Variants in PDHX observed in about 807,000 individuals in gnomAD.
PDHX encodes pyruvate dehydrogenase complex component X, also known as pyruvate dehydrogenase protein X component, mitochondrial.
Under a neutral mutation model 55.3 loss-of-function variants are expected in PDHX, and 33 were observed. The ratio of observed to expected loss-of-function variants is 0.60; its 90% CI spans 0.45 to 0.80. PDHX has a LOEUF of 0.80. Among genes scored for constraint, PDHX ranks in the 30% least tolerant of loss-of-function variants. The probability of loss-of-function intolerance (pLI) is 0.00; values close to 1 mark genes in which losing one functional copy is unlikely to be tolerated. For synonymous variants in PDHX, 226 were observed against 219.4 expected, an observed-to-expected ratio of 1.03 and a Z score of -0.27; for missense variants, 622 against 619.9, an observed-to-expected ratio of 1.00 and a Z score of -0.04.
intron 9 of PDHX, among the ~76,000 whole-genome samples, chr11:34,990,572 TA>T (rs1251385840): frequency 1.3e-5 from 2 of 152,198 alleles, no homozygotes; most frequent in African/African-American, 4.8e-5. Flanking sequence ...CATCTGCCTT[TA>T]AAAAATGCCT....
intron 4 of PDHX, among the ~76,000 whole-genome samples, chr11:34,958,245 T>C (rs1854947270): frequency 6.6e-6 from 1 of 152,168 alleles, no homozygotes; most frequent in African/African-American, 2.4e-5. Flanking sequence ...TTCTTAAACA[T>C]TTTTTCCTTT....
At chr11:34,916,381 G>A, upstream of PDHX, 2 of 1,556,508 alleles carry the variant, frequency 1.3e-6, no homozygotes, top group African/African-American at 1.4e-5. Context: ...AATGCAATCA[G>A]GCGGCGCTGA....
chr11:34,945,250 G>A (rs1410147761), intron 2 of PDHX, among the ~76,000 whole-genome samples: 1 of 151,792 alleles, frequency 6.6e-6, no homozygotes, highest in African/African-American at 2.4e-5. Flanking sequence ...TTATTTTTTA[G>A]AGTTTGAGTT....
intron 10 of PDHX, among the ~76,000 whole-genome samples, chr11:34,994,639 A>G (rs1273475356): frequency 6.6e-6 from 1 of 152,214 alleles, no homozygotes; most frequent in Non-Finnish European, 1.5e-5. Context: ...GTTATGTGGG[A>G]CATGACTCGA....
chr11:34,963,203 TTGAAAAATTGCAGG>T (rs1367374162), intron 5 of PDHX, among the ~76,000 whole-genome samples: 5 of 152,200 alleles, frequency 3.3e-5, no homozygotes, highest in Non-Finnish European at 7.3e-5. Context: ...TCTGCTATGG[TTGAAAAATTGCAGG>T]CTTTGGCATA....
At chr11:34,957,689 G>C in intron 4 of PDHX, 106 bp downstream of exon 4, 1 of 918,336 alleles carries the variant, frequency 1.1e-6, no homozygotes, top group Non-Finnish European at 1.7e-6. Context: ...CATCACGTAG[G>C]AAGTTGCTGT....
At chr11:34,934,044 T>C (rs1298100446) in intron 2 of PDHX, among the ~76,000 whole-genome samples, 1 of 152,192 alleles carries the variant, frequency 6.6e-6, no homozygotes, top group East Asian at 1.9e-4. Context: ...ATATGAACCG[T>C]AGCTCTGAGT....
At chr11:34,936,395 T>A (rs1854311277) in intron 2 of PDHX, among the ~76,000 whole-genome samples, 1 of 152,132 alleles carries the variant, frequency 6.6e-6, no homozygotes, top group Admixed American at 6.5e-5. Context: ...ACTGCAGTGC[T>A]GTAAGTGGTC....
intron 2 of PDHX, among the ~76,000 whole-genome samples, chr11:34,931,812 TTGTGTGTGTGTGTGTG>T (rs35425265): frequency 4.1e-5 from 6 of 146,180 alleles, no homozygotes; most frequent in African/African-American, 1.5e-4. Flanking sequence ...TTTATCATGA[TTGTGTGTGTGTGTGTG>T]TGTGTGTGTG....
chr11:34,950,523 C>T (rs1377289358), intron 3 of PDHX, among the ~76,000 whole-genome samples: 1 of 149,898 alleles, frequency 6.7e-6, no homozygotes, highest in Non-Finnish European at 1.5e-5. Context: ...TATCCCTCCC[C>T]CTTCCCCCCA....
At chr11:34,952,056 A>G (rs1041666215) in intron 3 of PDHX, among the ~76,000 whole-genome samples, 1 of 152,192 alleles carries the variant, frequency 6.6e-6, no homozygotes, top group Non-Finnish European at 1.5e-5. Context: ...AGAGAATACT[A>G]CAAACACCTC....
intron 2 of PDHX, among the ~76,000 whole-genome samples, chr11:34,943,326 G>C (rs1011511128): frequency 6.6e-6 from 1 of 152,200 alleles, no homozygotes; most frequent in African/African-American, 2.4e-5. Flanking sequence ...GTTACTCAGA[G>C]AAAGTTATAT....
intron 10 of PDHX, among the ~76,000 whole-genome samples, chr11:34,993,945 CT>C: frequency 6.6e-6 from 1 of 151,928 alleles, no homozygotes; most frequent in South Asian, 2.1e-4. Context: ...GTGTAGAGGT[CT>C]TGTATATGTT....
intron 9 of PDHX, among the ~76,000 whole-genome samples, chr11:34,986,349 AGTTCAAAAGTCAAAGTAATAG>A (rs1027602015): frequency 6.6e-6 from 1 of 151,460 alleles, no homozygotes; most frequent in African/African-American, 2.4e-5. Flanking sequence ...TTATTTGGTC[AGTTCAAAAGTCAAAGTAATAG>A]AGATTGGTTT....
chr11:34,974,580 A>T (rs762841839), intron 7 of PDHX, among the ~76,000 whole-genome samples: 18 of 152,130 alleles, frequency 1.2e-4, no homozygotes, highest in Non-Finnish European at 2.2e-4. Context: ...TTTTTTAAGG[A>T]GCTACCATAC....
At chr11:34,948,856 C>T (rs1163942201) in intron 3 of PDHX, among the ~76,000 whole-genome samples, 1 of 152,168 alleles carries the variant, frequency 6.6e-6, no homozygotes, top group South Asian at 2.1e-4. Flanking sequence ...AACCCAGCTA[C>T]ATTTTATTAT....
intron 3 of PDHX, among the ~76,000 whole-genome samples, chr11:34,950,691 C>G (rs937902093): frequency 2.0e-4 from 30 of 151,374 alleles, no homozygotes; most frequent in Non-Finnish European, 1.5e-4. Flanking sequence ...CATGTCCCTA[C>G]AAAGGACATG....
chr11:34,931,269 C>T, intron 1 of PDHX, 135 bp from the exon 2 acceptor site: 5 of 652,976 alleles, frequency 7.7e-6, no homozygotes, highest in South Asian at 5.0e-5. Flanking sequence ...CTTAGTTTAC[C>T]AGTTGGGAAT....
At chr11:34,972,690 C>T (rs77405819) in intron 7 of PDHX, among the ~76,000 whole-genome samples, 2,488 of 152,172 alleles carry the variant, frequency 0.016, 66 homozygotes, top group African/African-American at 0.057. Flanking sequence ...TGAGCCACCA[C>T]GCCTGGCATT....
Sources: gnomAD v4.1 joint callset for allele counts (sites outside exome capture counted in the v4.1 genomes callset) on GRCh38, gnomAD v4.1.1 for gene constraint, MANE v1.5 for transcripts, NCBI Gene and HGNC (gene_info 2026-07-23, HGNC 2026-07-21) for gene names.